Variants in ROBO1 observed in about 807,000 individuals in gnomAD.
ROBO1 encodes the protein roundabout homolog 1.
ROBO1 carries 149 observed loss-of-function variants against 195.9 expected under a neutral mutation model. That is an observed-to-expected ratio of 0.76 (90% confidence interval 0.67 to 0.87). The LOEUF (loss-of-function observed/expected upper bound fraction) is 0.87, where lower values mean the gene tolerates loss of function less well. Ranked by LOEUF, ROBO1 falls within the 40% of genes least tolerant of loss-of-function variation. ROBO1 has a pLI of 0.00. For synonymous variants in ROBO1, 816 were observed against 733.2 expected (o/e 1.11, Z -1.82); for missense variants, 1,933 against 2,068.3 (o/e 0.93, Z 1.27).
intron 7 of ROBO1, among the ~76,000 whole-genome samples, chr3:78,715,788 G>A (rs535167432): frequency 1.9e-4 from 29 of 152,076 alleles, no homozygotes; most frequent in Non-Finnish European, 3.7e-4. Flanking sequence ...CGCCCTCCTC[G>A]GCCTCCCAAA....
chr3:78,619,989 G>T (rs1450691339), intron 26 of ROBO1, among the ~76,000 whole-genome samples: 1 of 147,136 alleles, frequency 6.8e-6, no homozygotes, highest in Non-Finnish European at 1.5e-5. Flanking sequence ...TTGCACTCTA[G>T]CCTGGGTGAC....
intron 1 of ROBO1, among the ~76,000 whole-genome samples, chr3:79,731,676 G>T (rs1224093144): frequency 6.6e-6 from 1 of 152,040 alleles, no homozygotes; most frequent in Non-Finnish European, 1.5e-5. Context: ...ATAGATTGAT[G>T]GTATGCAAAT....
intron 2 of ROBO1, among the ~76,000 whole-genome samples, chr3:79,298,847 TATTTTCC>T (rs1444666734): frequency 6.6e-6 from 1 of 152,156 alleles, no homozygotes; most frequent in African/African-American, 2.4e-5. Context: ...AGGAGTTCAT[TATTTTCC>T]ATTTTCAACT....
chr3:78,710,510 CAAT>C (rs1279821167), intron 8 of ROBO1, among the ~76,000 whole-genome samples: 5 of 152,186 alleles, frequency 3.3e-5, no homozygotes, highest in South Asian at 4.2e-4. Context: ...ATAAAGCTAT[CAAT>C]AATAACACTC....
At chr3:79,533,019 A>G (rs1366572499) in intron 2 of ROBO1, 1 of 350,322 alleles carries the variant, frequency 2.9e-6, no homozygotes, top group Non-Finnish European at 5.6e-6. Flanking sequence ...AGTACCTTGG[A>G]GAAGAATTGA....
intron 4 of ROBO1, among the ~76,000 whole-genome samples, chr3:78,782,451 C>T (rs2083706916): frequency 6.6e-6 from 1 of 152,094 alleles, no homozygotes; most frequent in Non-Finnish European, 1.5e-5. Flanking sequence ...CCCACCTTGG[C>T]CTCCCGAAGT....
rs535793527 is a variant in ROBO1, at chr3:79,610,550, A to G, written c.-50-20589T>C. ...TTGTTGAATTACCTGGAAAACAAAT[A>G]TTATATTCAAATACTGATACAAGTT... On this transcript the variant is annotated intron_variant, in intron 1 of 30. Transcript: ENST00000464233. Among the ~76,000 whole-genome samples, 4 of 152,138 alleles carry G rather than the reference A, an allele frequency of 2.6e-5. No homozygotes were observed. The South Asian group carries it at 6.2e-4, about 24-fold the overall frequency.
chr3:79,135,967 T>C (rs1252639392), intron 2 of ROBO1, among the ~76,000 whole-genome samples: 1 of 152,186 alleles, frequency 6.6e-6, no homozygotes, highest in Non-Finnish European at 1.5e-5. Context: ...GAAAAACATT[T>C]AAAAAGTTTA....
chr3:78,675,986 G>T (rs1251965665), intron 10 of ROBO1, among the ~76,000 whole-genome samples: 2 of 152,064 alleles, frequency 1.3e-5, no homozygotes, highest in Non-Finnish European at 2.9e-5. Context: ...AACTTCCAGA[G>T]GAACAATCAG....
intron 2 of ROBO1, among the ~76,000 whole-genome samples, chr3:79,530,348 T>C (rs1428192930): frequency 6.6e-6 from 1 of 152,092 alleles, no homozygotes; most frequent in Non-Finnish European, 1.5e-5. Flanking sequence ...AATAACTCTC[T>C]ACTGAGTTCG....
intron 3 of ROBO1, among the ~76,000 whole-genome samples, chr3:78,941,343 A>C (rs538053461): frequency 6.6e-6 from 1 of 152,302 alleles, no homozygotes; most frequent in Admixed American, 6.5e-5. Context: ...AGCCAAGTGA[A>C]ATTCAGATTG....
chr3:79,336,456 C>T (rs1250215659), intron 2 of ROBO1, among the ~76,000 whole-genome samples: 1 of 152,202 alleles, frequency 6.6e-6, no homozygotes, highest in Non-Finnish European at 1.5e-5. Flanking sequence ...GAGTGCAAAC[C>T]CCAAGCCTTG....
At chr3:79,667,442 G>T (rs1349526309) in intron 1 of ROBO1, among the ~76,000 whole-genome samples, 3 of 151,692 alleles carry the variant, frequency 2.0e-5, no homozygotes, top group Non-Finnish European at 4.4e-5. Context: ...TCGGGTCTTT[G>T]TGATATTGTG....
rs78087763 is a variant in ROBO1, at chr3:79,610,307, T to G, written c.-50-20346A>C. On this transcript the variant is annotated intron_variant, in intron 1 of 30. Coordinates refer to ENST00000464233, the MANE Select transcript of ROBO1 (RefSeq NM_002941.4). ...AGGTACAATATGATATTGACAATAG[T>G]AATCAATAATAAAATAGGATAAGTA... is the stretch of plus-strand genomic sequence containing the variant. Among the ~76,000 whole-genome samples, 471 of 151,932 alleles carry G rather than the reference T, an allele frequency of 3.1e-3. 2 individuals carry two copies. The highest frequency in any genetic ancestry group is 0.011 in the African/African-American group (459 of 41,494).
intron 2 of ROBO1, among the ~76,000 whole-genome samples, chr3:79,135,048 C>A (rs202203929): frequency 0.02 from 1,304 of 64,774 alleles, 6 homozygotes; most frequent in Middle Eastern, 0.051. Flanking sequence ...TAAAAAAAAA[C>A]ATTAAAAAAA....
intron 2 of ROBO1, among the ~76,000 whole-genome samples, chr3:79,371,377 A>AAATAT (rs1447121959): frequency 2.0e-5 from 3 of 152,222 alleles, no homozygotes; most frequent in Non-Finnish European, 4.4e-5. Context: ...AGTTTCAAAT[A>AAATAT]AATATAAGAT....
chr3:79,274,123 C>G (rs955915977), intron 2 of ROBO1, among the ~76,000 whole-genome samples: 1 of 151,904 alleles, frequency 6.6e-6, no homozygotes, highest in Non-Finnish European at 1.5e-5. Context: ...AGAATGGCAA[C>G]AAAGAAATAT....
chr3:78,993,987 C>G (rs554872828), intron 3 of ROBO1, among the ~76,000 whole-genome samples: 1 of 150,762 alleles, frequency 6.6e-6, no homozygotes, highest in South Asian at 2.1e-4. Context: ...TAGATACCAG[C>G]TTTAAAAAAA....
chr3:78,925,893 C>T (rs1291526701), intron 4 of ROBO1, among the ~76,000 whole-genome samples: 1 of 151,210 alleles, frequency 6.6e-6, no homozygotes, highest in Non-Finnish European at 1.5e-5. Flanking sequence ...TTTTTTGAGA[C>T]AGAGTATCGC....
Sources: gnomAD v4.1 joint callset for allele counts (sites outside exome capture counted in the v4.1 genomes callset) on GRCh38, gnomAD v4.1.1 for gene constraint, MANE v1.5 for transcripts, NCBI Gene and HGNC (gene_info 2026-07-23, HGNC 2026-07-21) for gene names.